The following SDK2 variants were observed in gnomAD, a reference collection of about 807,000 sequenced individuals.
The protein encoded by SDK2 is sidekick cell adhesion molecule 2.
In SDK2, 105 loss-of-function variants were observed where a neutral mutation model predicts 253.9. The ratio of observed to expected loss-of-function variants is 0.41; its 90% confidence interval spans 0.35 to 0.49. The LOEUF (loss-of-function observed/expected upper bound fraction) is 0.49. SDK2 is among the 20% of genes least tolerant of loss of function. SDK2 has a pLI of 0.06. For synonymous variants in SDK2, 1,249 were observed against 1,234.9 expected (o/e 1.01, Z -0.24); for missense variants, 2,608 against 3,003.0 (o/e 0.87, Z 3.07).
rs2145361703 is a variant in SDK2 at position 73,338,715 on chromosome 17, C to T, written c.6391G>A (p.Ala2131Thr). Residue 2131 changes from alanine to threonine, a missense_variant, in exon 45 of 45, where the codon GCC (alanine) becomes ACC (threonine). Transcript: ENST00000392650. The surrounding 1 kb of genome is among the most constrained non-coding windows in gnomAD (Gnocchi z 5.0). ...TQQGSLFRPK[A>T]SRTPTPQNPP... ...TTCTGGGGCGTTGGAGTCCGACTGG[C>T]CTTGGGCCGAAAGAGGCTGCCCTGC... 2.5e-6 allele frequency: 4 copies of T among 1,612,300 alleles called. No homozygotes were observed. The highest frequency in any genetic ancestry group is 3.4e-6 in the Non-Finnish European group (4 of 1,179,126).
chr17:73,473,860 A>G (rs2063668560), intron 2 of SDK2, among the ~76,000 whole-genome samples: 1 of 152,252 alleles, frequency 6.6e-6, no homozygotes, highest in African/African-American at 2.4e-5. Context: ...ATAATCAGGC[A>G]ACAACAACAA....
At chr17:73,619,735 C>A (rs2046105437) in intron 1 of SDK2, among the ~76,000 whole-genome samples, 1 of 152,010 alleles carries the variant, frequency 6.6e-6, no homozygotes. Context: ...TGGACTTCAT[C>A]AAAATTAAAA....
intron 1 of SDK2, among the ~76,000 whole-genome samples, chr17:73,626,620 G>A (rs907876415): frequency 6.6e-6 from 1 of 152,236 alleles, no homozygotes; most frequent in African/African-American, 2.4e-5. Context: ...AGCCAGACAT[G>A]CATTCCTCTG....
chr17:73,391,374 C>A (rs1195926635), intron 28 of SDK2, 66 bp downstream of exon 28: 33 of 937,770 alleles, frequency 3.5e-5, no homozygotes, highest in East Asian at 6.4e-5. Context: ...AACGAAGTGG[C>A]CTCCTTTGCA....
chr17:73,368,301 A>T lies in SDK2; in HGVS notation c.5167+106T>A, dbSNP rs2062702912. On this transcript the variant is annotated intron_variant, in intron 37 of 44. Transcript: ENST00000392650. The stretch of plus-strand genomic sequence containing the variant: ...ACCACGACCAGATCCTCAGGCGGAT[A>T]AGGCAGCTGCCCCCATGCCTGCCAA... The T allele has an allele frequency of 3.9e-5, 40 of 1,035,644 alleles. No homozygotes were observed. In the South Asian group the frequency reaches 7.4e-4, roughly 19 times the overall value. The allele number at this position is 1,035,644 out of a possible 1,614,324, so 64.2% of individuals were successfully genotyped here. A position where few individuals can be genotyped will look rare whatever the true frequency, so the allele number is the denominator to read the frequency against.
chr17:73,566,171 T>G (rs1263711143), intron 1 of SDK2, among the ~76,000 whole-genome samples: 6 of 152,158 alleles, frequency 3.9e-5, no homozygotes, highest in African/African-American at 7.2e-5. Flanking sequence ...CTAACTTGCT[T>G]CTTCTTTCTC....
rs1045673566 is a variant in SDK2, at chr17:73,643,743, G to A, written c.64+282C>T. Among the ~76,000 whole-genome samples the A allele has an allele frequency of 3.3e-5, 5 of 152,230 alleles. No homozygotes were observed. Among genetic ancestry groups the A allele is most frequent in the Admixed American group, 6.5e-5 (1 of 15,306 alleles). On this transcript the variant is annotated intron_variant, in intron 1 of 44. Transcript: ENST00000392650. The surrounding 1 kb of genome is among the most constrained non-coding windows in gnomAD (Gnocchi z 6.9). Reference sequence around the variant, plus strand: ...GCAGGGCAGCCACAGCAGACGGGGGGAGGGGAGCGCCCCTCCCACTTCACC... The same window carrying A: ...GCAGGGCAGCCACAGCAGACGGGGGAAGGGGAGCGCCCCTCCCACTTCACC...
At chr17:73,499,952 C>A (rs1033726912) in intron 2 of SDK2, among the ~76,000 whole-genome samples, 3 of 150,454 alleles carry the variant, frequency 2.0e-5, no homozygotes, top group Admixed American at 1.3e-4. Flanking sequence ...TTCTTCTATT[C>A]GATTTTAAGT....
intron 1 of SDK2, among the ~76,000 whole-genome samples, chr17:73,571,690 G>A (rs553233942): frequency 2.0e-5 from 3 of 152,214 alleles, no homozygotes; most frequent in Non-Finnish European, 4.4e-5. Context: ...CGGGGGCTAC[G>A]CCTTCTTACT....
At chr17:73,523,479 T>C (rs1202030974) in intron 1 of SDK2, among the ~76,000 whole-genome samples, 2 of 151,792 alleles carry the variant, frequency 1.3e-5, no homozygotes, top group Non-Finnish European at 2.9e-5. Context: ...GGGACTCTAA[T>C]CCCACATGAC....
chr17:73,581,167 C>T (rs1458080897), intron 1 of SDK2, among the ~76,000 whole-genome samples: 1 of 152,128 alleles, frequency 6.6e-6, no homozygotes, highest in East Asian at 1.9e-4. Flanking sequence ...CCAGTGTGAG[C>T]CACTGCGCTC....
At chr17:73,365,206 C>T (rs1009205605) in intron 38 of SDK2, 52 bp downstream of exon 38, 24 of 1,446,486 alleles carry the variant, frequency 1.7e-5, no homozygotes, top group Middle Eastern at 2.3e-4. Flanking sequence ...GAGATGAGAG[C>T]GAGCTTTTGC....
intron 12 of SDK2, among the ~76,000 whole-genome samples, chr17:73,427,040 G>C (rs939287755): frequency 1.3e-5 from 2 of 152,008 alleles, no homozygotes; most frequent in Non-Finnish European, 2.9e-5. Flanking sequence ...TGCCGAGATG[G>C]TGCCACTGCA....
At chr17:73,632,300 TAATC>T (rs1341858135) in intron 1 of SDK2, among the ~76,000 whole-genome samples, 1 of 152,232 alleles carries the variant, frequency 6.6e-6, no homozygotes, top group Non-Finnish European at 1.5e-5. Context: ...GGGCACCATC[TAATC>T]AGCTGCCAGC....
chr17:73,430,677 G>A (rs2063319973), intron 11 of SDK2, 64 bp from the exon 12 acceptor site: 2 of 1,129,352 alleles, frequency 1.8e-6, no homozygotes, highest in East Asian at 5.9e-5. Context: ...CTGGACTCTG[G>A]GTGGATACCA....
intron 6 of SDK2, among the ~76,000 whole-genome samples, chr17:73,439,708 C>T (rs984597232): frequency 5.3e-5 from 8 of 152,202 alleles, no homozygotes; most frequent in East Asian, 1.9e-4. Context: ...TGGGTCAGCG[C>T]GCTGCCTATG....
At position 73,570,107 on chromosome 17, in the gene SDK2, C is replaced by T. The variant is rs995596944; in HGVS notation, c.65-62510G>A. Among the ~76,000 whole-genome samples, 47 of 152,182 alleles carry T rather than the reference C, an allele frequency of 3.1e-4. No individual in the cohort carries two copies. Among genetic ancestry groups the T allele is most frequent in the African/African-American group, 1.0e-3 (42 of 41,530 alleles). On this transcript the variant is annotated intron_variant, in intron 1 of 44. Coordinates refer to ENST00000392650, the MANE Select transcript of SDK2 (RefSeq NM_001144952.2). This position sits in a 1 kb window ranked among gnomAD's most constrained non-coding sequence, Gnocchi z 4.2. ...CCCCATGACTCTCCCCAGAGCCCCT[C>T]GGGACGGCCCCCCAGAGCCCCTCTT...
At chr17:73,597,079 C>A (rs1229860081) in intron 1 of SDK2, among the ~76,000 whole-genome samples, 1 of 152,226 alleles carries the variant, frequency 6.6e-6, no homozygotes, top group East Asian at 1.9e-4. Context: ...TGAATCATCC[C>A]TGTGGGAGTG....
intron 1 of SDK2, among the ~76,000 whole-genome samples, chr17:73,569,833 C>T (rs181718211): frequency 2.0e-4 from 30 of 152,258 alleles, no homozygotes; most frequent in Admixed American, 7.8e-4. Flanking sequence ...GAGCCTTGAT[C>T]TGTAAGCCTG....
Sources: allele counts gnomAD v4.1 joint callset (sites outside exome capture counted in the v4.1 genomes callset), GRCh38; gene constraint gnomAD v4.1.1; non-coding constraint Gnocchi (gnomAD v3.1); transcripts MANE v1.5; gene names NCBI Gene and HGNC (gene_info 2026-07-23, HGNC 2026-07-21).